KYNU: variants seen among roughly 807,000 people sequenced by gnomAD.
KYNU encodes the protein L-kynurenine hydrolase.
KYNU carries 54 observed loss-of-function variants against 59.2 expected under a neutral mutation model. The observed-to-expected ratio is 0.91, with a 90% CI of 0.73 to 1.14. The LOEUF (loss-of-function observed/expected upper bound fraction) is 1.14. KYNU is among the 50% of genes most tolerant of loss of function. KYNU has a pLI of 0.00. For synonymous variants in KYNU, 177 were observed against 192.0 expected (o/e 0.92, Z 0.65); for missense variants, 567 against 554.4 (o/e 1.02, Z -0.23).
chr2:142,983,371 T>A (rs1404246014), intron 8 of KYNU, among the ~76,000 whole-genome samples: 1 of 152,062 alleles, frequency 6.6e-6, no homozygotes, highest in Non-Finnish European at 1.5e-5. Context: ...TAACATTCTG[T>A]TGGTCTAAAC....
At chr2:143,004,900 G>A (rs549415537) in intron 10 of KYNU, among the ~76,000 whole-genome samples, 2 of 152,152 alleles carry the variant, frequency 1.3e-5, no homozygotes, top group Admixed American at 6.5e-5. Flanking sequence ...CTCTACTAAC[G>A]GGGTCACTAG....
rs1687102145 is a variant in KYNU, at chr2:143,043,062, C to CA, written c.*891dup. The CA allele has an allele frequency of 6.6e-6, 1 of 151,970 alleles. No homozygotes were observed. The highest frequency in any genetic ancestry group is 1.5e-5 in the Non-Finnish European group (1 of 67,926). The allele number at this position is 151,970 out of a possible 1,614,324, so 9.4% of individuals were successfully genotyped here. A position where few individuals can be genotyped will look rare whatever the true frequency, so the allele number is the denominator to read the frequency against. The stretch of plus-strand genomic sequence containing the variant: ...CATTATATTGATTTCCTTACCCACT[C>CA]ATGGGCCCTAATTCACACTTTTTAA... On this transcript the variant is annotated 3_prime_UTR_variant, in exon 14 of 14. Coordinates refer to ENST00000264170, the MANE Select transcript of KYNU (RefSeq NM_003937.3).
chr2:142,921,009 A>G (rs1682862103), intron 3 of KYNU, among the ~76,000 whole-genome samples: 1 of 152,212 alleles, frequency 6.6e-6, no homozygotes, highest in Admixed American at 6.5e-5. Flanking sequence ...TCTCTACCAA[A>G]TGAGTACTTA....
intron 10 of KYNU, among the ~76,000 whole-genome samples, chr2:143,002,303 A>G (rs1022631901): frequency 2.0e-5 from 3 of 152,244 alleles, no homozygotes; most frequent in Admixed American, 6.5e-5. Flanking sequence ...AACTTCAGTA[A>G]ATAAAACATT....
At chr2:142,890,584 C>A (rs1470349779) in intron 2 of KYNU, among the ~76,000 whole-genome samples, 1 of 152,126 alleles carries the variant, frequency 6.6e-6, no homozygotes, top group Non-Finnish European at 1.5e-5. Context: ...CTGAAGTAAT[C>A]CTCCTACCTT....
At chr2:142,979,130 G>A (rs191641639) in intron 8 of KYNU, among the ~76,000 whole-genome samples, 5 of 152,110 alleles carry the variant, frequency 3.3e-5, no homozygotes, top group Admixed American at 2.6e-4. Context: ...TAGTGAAGAT[G>A]GCAAAGACAA....
At chr2:142,988,234 A>G (rs1685280543) in intron 10 of KYNU, among the ~76,000 whole-genome samples, 1 of 151,978 alleles carries the variant, frequency 6.6e-6, no homozygotes, top group Admixed American at 6.6e-5. Context: ...TTTGGTAATT[A>G]TTTAGTACTG....
At chr2:142,975,783 T>C (rs1272406450) in intron 8 of KYNU, among the ~76,000 whole-genome samples, 1 of 152,242 alleles carries the variant, frequency 6.6e-6, no homozygotes, top group Non-Finnish European at 1.5e-5. Context: ...TTCATTTCAC[T>C]GTTTAGCTTA....
intron 2 of KYNU, among the ~76,000 whole-genome samples, chr2:142,906,307 G>T (rs982983524): frequency 1.3e-5 from 2 of 152,220 alleles, no homozygotes; most frequent in African/African-American, 4.8e-5. Context: ...CCTGGCCAAG[G>T]AGCCAAGGCT....
At chr2:143,026,475 G>C (rs559683249) in intron 10 of KYNU, among the ~76,000 whole-genome samples, 1 of 152,344 alleles carries the variant, frequency 6.6e-6, no homozygotes, top group African/African-American at 2.4e-5. Flanking sequence ...GTGCACGAGC[G>C]AACGAGTACG....
chr2:143,002,145 C>G (rs1685723878), intron 10 of KYNU, among the ~76,000 whole-genome samples: 2 of 151,942 alleles, frequency 1.3e-5, no homozygotes, highest in South Asian at 4.1e-4. Context: ...GTCCTTTGTA[C>G]AAAGCTGGCG....
intron 10 of KYNU, among the ~76,000 whole-genome samples, chr2:143,015,028 G>A (rs552859850): frequency 1.4e-4 from 22 of 152,192 alleles, no homozygotes; most frequent in Non-Finnish European, 3.1e-4. Flanking sequence ...CAAGTAGGTG[G>A]GACTAAAGGT....
At position 142,993,546 on chromosome 2, in the gene KYNU, A is replaced by G. The variant is rs572595070; in HGVS notation, c.902+7525A>G. Among the ~76,000 whole-genome samples the G allele has an allele frequency of 1.6e-3, 236 of 152,104 alleles. 1 individual carries two copies. The highest frequency in any genetic ancestry group is 5.4e-3 in the African/African-American group (225 of 41,542). ...CTCATCTGTGGAATCATGACATACA[A>G]CCTAAACCTATTTTCATTTAGAAAC... On this transcript the variant is annotated intron_variant, in intron 10 of 13. Coordinates refer to ENST00000264170, the MANE Select transcript of KYNU (RefSeq NM_003937.3).
chr2:142,918,124 GA>G (rs1353086598), intron 2 of KYNU, among the ~76,000 whole-genome samples: 2 of 152,002 alleles, frequency 1.3e-5, no homozygotes, highest in African/African-American at 2.4e-5. Flanking sequence ...GATATAGAAT[GA>G]AAAAAACCGC....
intron 6 of KYNU, 97 bp from the exon 7 acceptor site, chr2:142,957,535 GATTTAATAT>G: frequency 1.4e-6 from 1 of 728,996 alleles, no homozygotes; most frequent in Non-Finnish European, 2.4e-6. Flanking sequence ...CTTCACCTTG[GATTTAATAT>G]AATAATATGC....
intron 8 of KYNU, among the ~76,000 whole-genome samples, chr2:142,973,206 A>C (rs986160113): frequency 6.6e-5 from 10 of 151,144 alleles, no homozygotes; most frequent in East Asian, 2.0e-4. Context: ...TTGGTCCTTT[A>C]TTTTCTTGGT....
Position 143,020,936 on chromosome 2 carries a change from C to G in KYNU, c.903-8691C>G, listed in dbSNP as rs551481255. On this transcript the variant is annotated intron_variant, in intron 10 of 13. Coordinates refer to ENST00000264170, the MANE Select transcript of KYNU (RefSeq NM_003937.3). Reference sequence around the variant, plus strand: ...ATGGGAGTTAGCCCTTACCCACAGTCACACCAATAGAGTACATAATCAGAC... The same window carrying G: ...ATGGGAGTTAGCCCTTACCCACAGTGACACCAATAGAGTACATAATCAGAC... Among the ~76,000 whole-genome samples the G allele has an allele frequency of 4.6e-5, 7 of 152,298 alleles. No homozygotes were observed. The East Asian group carries it at 1.3e-3, about 29-fold the overall frequency.
Position 143,050,861 on chromosome 2 carries a change from T to A in KYNU, c.*8689T>A, listed in dbSNP as rs1281279674. The stretch of plus-strand genomic sequence containing the variant: ...TTGATTTTTTTAAGTAAATGGATTT[T>A]TGCACCACTTCAAGAAAGAAACCTT... On this transcript the variant is annotated 3_prime_UTR_variant, in exon 14 of 14. Coordinates refer to ENST00000264170, the MANE Select transcript of KYNU (RefSeq NM_003937.3). 6.6e-6 allele frequency: 1 copy of A among 152,158 alleles called. No homozygotes were observed. The highest frequency in any genetic ancestry group is 1.5e-5 in the Non-Finnish European group (1 of 68,030). The allele number at this position is 152,158 out of a possible 1,614,324, so 9.4% of individuals were successfully genotyped here. A position where few individuals can be genotyped will look rare whatever the true frequency, so the allele number is the denominator to read the frequency against.
intron 4 of KYNU, among the ~76,000 whole-genome samples, chr2:142,929,247 GAAAA>G (rs1037045832): frequency 1.4e-5 from 2 of 141,396 alleles, no homozygotes; most frequent in Admixed American, 7.4e-5. Flanking sequence ...GAATGGAATA[GAAAA>G]AAAAATTACA....
Sources: allele counts gnomAD v4.1 joint callset (sites outside exome capture counted in the v4.1 genomes callset), GRCh38; gene constraint gnomAD v4.1.1; transcripts MANE v1.5; gene names NCBI Gene and HGNC (gene_info 2026-07-23, HGNC 2026-07-21).